TUSC3: variants seen among roughly 807,000 people sequenced by gnomAD.
TUSC3 encodes the protein dolichyl-diphosphooligosaccharide--protein glycosyltransferase subunit TUSC3.
In TUSC3, 45 loss-of-function variants were observed where a neutral mutation model predicts 44.8. The ratio of observed to expected loss-of-function variants is 1.00; its 90% CI spans 0.79 to 1.29. The LOEUF (loss-of-function observed/expected upper bound fraction) is 1.29. Among genes scored for constraint, TUSC3 ranks in the 50% most tolerant of loss-of-function variants. The pLI, the probability that TUSC3 is intolerant of heterozygous loss-of-function variation, is 0.00. For missense variants in TUSC3, 519 were observed against 437.9 expected (o/e 1.19, Z -1.65); for synonymous variants, 212 against 152.9 (o/e 1.39, Z -2.85).
the TUSC3 span, among the ~76,000 whole-genome samples, chr8:15,775,625 T>C: frequency 1.2e-4 from 13 of 105,300 alleles, no homozygotes; most frequent in African/African-American, 4.9e-4. Context: ...CATATATATA[T>C]ACAGACACAT....
rs1401853123 is a variant in TUSC3 at position 15,766,410 on chromosome 8, G to C, written c.*2254G>C. ...AGAATTGAATAATTGATTTGTACCT[G>C]GTATGTTATATCCTCCAGTGTCACT... On this transcript the variant is annotated 3_prime_UTR_variant, in exon 11 of 11. Coordinates refer to ENST00000503731, the MANE Select transcript of TUSC3 (RefSeq NM_006765.4). 6.6e-6 allele frequency: 1 copy of C among 152,000 alleles called. No homozygotes were observed. Among genetic ancestry groups the C allele is most frequent in the Non-Finnish European group, 1.5e-5 (1 of 67,964 alleles). 9.4% of individuals were successfully genotyped at this position (152,000 alleles called of 1,614,324 possible).
In TUSC3 at chr8:15,592,761, A is replaced by T. The variant is rs141974570; in HGVS notation, c.139-30319A>T. ...GCAATGCAAAATGGACCAAAACAGT[A>T]CTGTTCTGAGTTCTTGTAAATGTAG... is the stretch of plus-strand genomic sequence containing the variant. On this transcript the variant is annotated intron_variant, in intron 1 of 10. Coordinates refer to ENST00000503731, the MANE Select transcript of TUSC3 (RefSeq NM_006765.4). 2.7e-3 allele frequency among the ~76,000 whole-genome samples: 415 copies of T among 152,262 alleles called. 2 individuals are homozygous for T. Among genetic ancestry groups the T allele is most frequent in the African/African-American group, 9.6e-3 (398 of 41,574 alleles).
At chr8:15,741,620 G>A (rs1377798204) in intron 7 of TUSC3, among the ~76,000 whole-genome samples, 1 of 152,040 alleles carries the variant, frequency 6.6e-6, no homozygotes, top group Non-Finnish European at 1.5e-5. Flanking sequence ...CTGGGAGGCA[G>A]AGGTTGCAGT....
chr8:15,718,312 G>A (rs182415490), intron 6 of TUSC3, among the ~76,000 whole-genome samples: 6 of 152,230 alleles, frequency 3.9e-5, no homozygotes, highest in Admixed American at 2.6e-4. Flanking sequence ...GTGATGGATT[G>A]TAAGGTAGAG....
chr8:15,630,397 T>C (rs1805706041), intron 2 of TUSC3, among the ~76,000 whole-genome samples: 1 of 152,200 alleles, frequency 6.6e-6, no homozygotes. Flanking sequence ...AAATAAAATT[T>C]TTGTTTATTA....
At chr8:15,420,894 C>T (rs1799730614) in intron 1 of TUSC3, among the ~76,000 whole-genome samples, 1 of 152,146 alleles carries the variant, frequency 6.6e-6, no homozygotes, top group African/African-American at 2.4e-5. Context: ...AGTGACCTGT[C>T]TCAGTCTTTA....
At chr8:15,846,777 G>C in the TUSC3 span, among the ~76,000 whole-genome samples, 2 of 151,560 alleles carry the variant, frequency 1.3e-5, no homozygotes, top group African/African-American at 4.9e-5. Context: ...TAGATGACGG[G>C]TTGATGGGTG....
the TUSC3 span, among the ~76,000 whole-genome samples, chr8:15,851,987 G>A: frequency 1.3e-5 from 2 of 152,074 alleles, no homozygotes; most frequent in South Asian, 4.2e-4. Flanking sequence ...TTTTTCTCTT[G>A]TCTCCCGCCA....
intron 2 of TUSC3, among the ~76,000 whole-genome samples, chr8:15,499,671 T>G (rs1800932167): frequency 6.6e-6 from 1 of 152,180 alleles, no homozygotes; most frequent in Non-Finnish European, 1.5e-5. Context: ...AGTTAAACAT[T>G]ATTCTGGGTG....
intron 2 of TUSC3, among the ~76,000 whole-genome samples, chr8:15,506,096 T>G (rs1388665540): frequency 6.6e-6 from 1 of 152,194 alleles, no homozygotes. Flanking sequence ...GGGAGACTAT[T>G]ATAAGAGAGG....
At chr8:15,740,881 C>A (rs148240942) in intron 7 of TUSC3, among the ~76,000 whole-genome samples, 3 of 152,044 alleles carry the variant, frequency 2.0e-5, no homozygotes, top group African/African-American at 7.2e-5. Context: ...GAAACAAATG[C>A]CATCAGTAAG....
chr8:15,608,175 G>A (rs1804614515), intron 1 of TUSC3, among the ~76,000 whole-genome samples: 1 of 151,972 alleles, frequency 6.6e-6, no homozygotes, highest in Admixed American at 6.6e-5. Flanking sequence ...TCACCTCTTG[G>A]CTGAATTTTA....
At chr8:15,536,975 A>G (rs138116434), upstream of TUSC3, among the ~76,000 whole-genome samples, 426 of 152,278 alleles carry the variant, frequency 2.8e-3, 2 homozygotes, top group African/African-American at 9.8e-3. Context: ...TATCCTTGCC[A>G]TACCTTGAAA....
intron 6 of TUSC3, among the ~76,000 whole-genome samples, chr8:15,693,878 A>G (rs559002023): frequency 6.6e-6 from 1 of 152,104 alleles, no homozygotes; most frequent in East Asian, 2.0e-4. Flanking sequence ...AGTTATTTCA[A>G]AGAGCCAGTC....
At chr8:15,796,171 A>C in the TUSC3 span, among the ~76,000 whole-genome samples, 2 of 152,116 alleles carry the variant, frequency 1.3e-5, no homozygotes, top group Non-Finnish European at 2.9e-5. Context: ...ATATGTTAGC[A>C]TGCCTGATAC....
chr8:15,524,882 T>C (rs1330784543), intron 2 of TUSC3, among the ~76,000 whole-genome samples: 2 of 152,192 alleles, frequency 1.3e-5, no homozygotes, highest in South Asian at 2.1e-4. Context: ...TGTAAAACAC[T>C]GTCACTCTTC....
intron 4 of TUSC3, among the ~76,000 whole-genome samples, chr8:15,661,373 T>G (rs1222476102): frequency 6.6e-6 from 1 of 152,022 alleles, no homozygotes; most frequent in Non-Finnish European, 1.5e-5. Flanking sequence ...AGCCTGTCTT[T>G]TCTCTTTAAA....
intron 2 of TUSC3, among the ~76,000 whole-genome samples, chr8:15,648,050 T>A (rs752352635): frequency 1.3e-5 from 2 of 152,212 alleles, no homozygotes; most frequent in Non-Finnish European, 2.9e-5. Flanking sequence ...CCTTTAATTG[T>A]ATTGTTTACA....
intron 5 of TUSC3, among the ~76,000 whole-genome samples, chr8:15,671,272 A>G (rs983319853): frequency 1.1e-4 from 17 of 152,126 alleles, no homozygotes; most frequent in African/African-American, 2.4e-4. Flanking sequence ...TTTTGTGAAA[A>G]TTAATCTAGC....
Sources: allele counts gnomAD v4.1 joint callset (sites outside exome capture counted in the v4.1 genomes callset), GRCh38; gene constraint gnomAD v4.1.1; transcripts MANE v1.5; gene names NCBI Gene and HGNC (gene_info 2026-07-23, HGNC 2026-07-21).